The following C1RL variants were observed in gnomAD, a reference collection of about 807,000 sequenced individuals.
The protein encoded by C1RL is complement C1r subcomponent like.
In C1RL, 27 loss-of-function variants were observed where a neutral mutation model predicts 27.9. The observed-to-expected ratio is 0.97, with a 90% CI of 0.71 to 1.33. The LOEUF (loss-of-function observed/expected upper bound fraction) is 1.33, where lower values mean the gene tolerates loss of function less well. Ranked by LOEUF, C1RL falls within the 40% of genes most tolerant of loss-of-function variation. The pLI is 0.00. For missense variants in C1RL, 563 were observed against 623.9 expected (o/e 0.90, Z 1.04); for synonymous variants, 248 against 252.1 (o/e 0.98, Z 0.15).
intron 5 of C1RL, among the ~76,000 whole-genome samples, chr12:7,098,002 T>C (rs988449897): frequency 2.0e-5 from 3 of 151,818 alleles, no homozygotes; most frequent in Non-Finnish European, 2.9e-5. Flanking sequence ...GCGCGGTGGC[T>C]CACGCCTGTA....
chr12:7,102,448 C>T (rs1401123565), intron 2 of C1RL, among the ~76,000 whole-genome samples: 1 of 152,228 alleles, frequency 6.6e-6, no homozygotes, highest in Non-Finnish European at 1.5e-5. Flanking sequence ...TTTTTCTCCA[C>T]TGAGTTCCTG....
chr12:7,094,698 G>A lies in C1RL; in HGVS notation c.*1693C>T, dbSNP rs1938375970. 1.3e-5 allele frequency: 13 copies of A among 980,952 alleles called. No individual in the cohort carries two copies. The highest frequency in any genetic ancestry group is 1.6e-5 in the Non-Finnish European group (13 of 825,996). 60.8% of individuals were successfully genotyped at this position (980,952 alleles called of 1,614,324 possible). On this transcript the variant is annotated 3_prime_UTR_variant, in exon 6 of 6. Coordinates refer to ENST00000266542, the MANE Select transcript of C1RL (RefSeq NM_016546.4). Reference sequence around the variant, plus strand: ...ATAGAGAATAGTGGAAAACCAAACAGCCAAAATCTTATCAATAAAACCACC... The same window carrying A: ...ATAGAGAATAGTGGAAAACCAAACAACCAAAATCTTATCAATAAAACCACC...
At chr12:7,097,993 C>T (rs1032562644) in intron 5 of C1RL, among the ~76,000 whole-genome samples, 1 of 152,022 alleles carries the variant, frequency 6.6e-6, no homozygotes, top group Non-Finnish European at 1.5e-5. Flanking sequence ...TTCGGCCGGG[C>T]GCGGTGGCTC....
At position 7,096,297 on chromosome 12, in the gene C1RL, C is replaced by A. The variant is rs1442715467; in HGVS notation, c.*94G>T. The A allele has an allele frequency of 1.7e-6, 2 of 1,203,354 alleles. No homozygotes were observed. The highest frequency in any genetic ancestry group is 2.9e-5 in the South Asian group (1 of 34,774). 74.5% of individuals were successfully genotyped at this position (1,203,354 alleles called of 1,614,324 possible). On this transcript the variant is annotated 3_prime_UTR_variant, in exon 6 of 6. Coordinates refer to ENST00000266542, the MANE Select transcript of C1RL (RefSeq NM_016546.4). ...TCCCTGCCTCCCCCAACCCCCCACCCCCAACCCCTACCCCAGTGTTCAGTC... is the reference window on the plus strand; with the variant it reads ...TCCCTGCCTCCCCCAACCCCCCACCACCAACCCCTACCCCAGTGTTCAGTC...
intron 3 of C1RL, chr12:7,101,665 T>G (rs1031614581): frequency 1.1e-5 from 6 of 522,684 alleles, no homozygotes; most frequent in Admixed American, 3.1e-5. Flanking sequence ...AAAAATGAGA[T>G]GATCTGCAAA....
intron 2 of C1RL, among the ~76,000 whole-genome samples, chr12:7,106,770 A>G (rs747987988): frequency 6.6e-6 from 1 of 152,314 alleles, no homozygotes; most frequent in East Asian, 1.9e-4. Flanking sequence ...CCATGTAACT[A>G]TTGACTCCTA....
At chr12:7,101,845 G>A (rs766416121) in intron 3 of C1RL, 53 bp downstream of exon 3, 3 of 1,570,348 alleles carry the variant, frequency 1.9e-6, no homozygotes, top group Non-Finnish European at 2.6e-6. Flanking sequence ...AGATACCAGG[G>A]TCATGGCTGG....
intron 1 of C1RL, 120 bp downstream of exon 1, chr12:7,108,990 G>GTGTGTGTGTGTGTGTGT (rs1591602899): frequency 5.7e-5 from 5 of 87,360 alleles, no homozygotes; most frequent in Non-Finnish European, 9.6e-5. Flanking sequence ...TGTGTGTGTG[G>GTGTGTGTGTGTGTGTGT]GGGGGGGGGG....
intron 1 of C1RL, 107 bp downstream of exon 1, chr12:7,109,001 GAT>G (rs1565640614): frequency 3.2e-4 from 107 of 338,610 alleles, no homozygotes; most frequent in African/African-American, 6.5e-4. Flanking sequence ...GGGGGGGGGG[GAT>G]GTGTGTGTGG....
chr12:7,094,981 A>G lies in C1RL; in HGVS notation c.*1410T>C. 9.0e-7 allele frequency: 1 copy of G among 1,106,170 alleles called. No individual in the cohort carries two copies. The highest frequency in any genetic ancestry group is 9.8e-5 in the East Asian group (1 of 10,250). The allele number at this position is 1,106,170 out of a possible 1,614,324, so 68.5% of individuals were successfully genotyped here. ...TGAATCCTGCCATTTTTTAGAGATAAATTTAACCTTTGACCATATAGCAAC... is the reference window on the plus strand; with the variant it reads ...TGAATCCTGCCATTTTTTAGAGATAGATTTAACCTTTGACCATATAGCAAC... On this transcript the variant is annotated 3_prime_UTR_variant, in exon 6 of 6. Transcript: ENST00000266542.
chr12:7,095,286 T>G lies in C1RL; in HGVS notation c.*1105A>C. On this transcript the variant is annotated 3_prime_UTR_variant, in exon 6 of 6. Transcript: ENST00000266542. ...ACGTGTCACCACGCCCGGCTAATTT[T>G]TGTATTTTTAGTAGAGATGGGGTTT... The G allele has an allele frequency of 1.2e-6, 1 of 819,272 alleles. No homozygotes were observed. The highest frequency in any genetic ancestry group is 2.3e-5 in the South Asian group (1 of 43,482). The allele number at this position is 819,272 out of a possible 1,614,324, so 50.8% of individuals were successfully genotyped here. A position where few individuals can be genotyped will look rare whatever the true frequency, so the allele number is the denominator to read the frequency against.
rs1261947970 is a variant in C1RL, at chr12:7,095,051, G to A, written c.*1340C>T. 1.7e-6 allele frequency: 2 copies of A among 1,153,870 alleles called. No homozygotes were observed. Among genetic ancestry groups the A allele is most frequent in the Admixed American group, 8.6e-5 (2 of 23,130 alleles). 71.5% of individuals were successfully genotyped at this position (1,153,870 alleles called of 1,614,324 possible). A position where few individuals can be genotyped will look rare whatever the true frequency, so the allele number is the denominator to read the frequency against. On this transcript the variant is annotated 3_prime_UTR_variant, in exon 6 of 6. Coordinates refer to ENST00000266542, the MANE Select transcript of C1RL (RefSeq NM_016546.4). ...AATTACCTCTCTTCTCTCTTTTATG[G>A]TGTTTATTTTCTATTTCCATTGAAC... is the stretch of plus-strand genomic sequence containing the variant.
Position 7,095,608 on chromosome 12 carries a change from CAGGGAGGGAAAATGGTA to C in C1RL, c.*766_*782del. The C allele has an allele frequency of 3.0e-6, 3 of 985,844 alleles. No individual in the cohort carries two copies. In the South Asian group the frequency reaches 1.4e-4, roughly 46 times the overall value. 61.1% of individuals were successfully genotyped at this position (985,844 alleles called of 1,614,324 possible). A position where few individuals can be genotyped will look rare whatever the true frequency, so the allele number is the denominator to read the frequency against. ...CCATTTTCGCAGAAGCAGGAATTCC[CAGGGAGGGAAAATGGTA>C]AGGATGTGGGGGCTGGGAGGGAAAG... is the stretch of plus-strand genomic sequence containing the variant. On this transcript the variant is annotated 3_prime_UTR_variant, in exon 6 of 6. Coordinates refer to ENST00000266542, the MANE Select transcript of C1RL (RefSeq NM_016546.4).
At position 7,095,790 on chromosome 12, in the gene C1RL, A is replaced by G. The variant is rs1938408289; in HGVS notation, c.*601T>C. On this transcript the variant is annotated 3_prime_UTR_variant, in exon 6 of 6. Coordinates refer to ENST00000266542, the MANE Select transcript of C1RL (RefSeq NM_016546.4). Reference sequence around the variant, plus strand: ...GAGCCTCAGTTTCCTCATTTGTCACACATAGATAATAACACATCCTTTGCA... The same window carrying G: ...GAGCCTCAGTTTCCTCATTTGTCACGCATAGATAATAACACATCCTTTGCA... 4.0e-6 allele frequency: 3 copies of G among 752,388 alleles called. No homozygotes were observed. Among genetic ancestry groups the G allele is most frequent in the Non-Finnish European group, 4.9e-6 (3 of 617,640 alleles). The allele number at this position is 752,388 out of a possible 1,614,324, so 46.6% of individuals were successfully genotyped here. A position where few individuals can be genotyped will look rare whatever the true frequency, so the allele number is the denominator to read the frequency against.
rs76391175 is a variant in C1RL at position 7,096,547 on chromosome 12, A to T, written c.1308T>A (p.Ser436Arg). The T allele has an allele frequency of 1.2e-6, 2 of 1,614,006 alleles. No individual in the cohort carries two copies. Among genetic ancestry groups the T allele is most frequent in the African/African-American group, 2.7e-5 (2 of 74,888 alleles). ...TQRHSVCQGD[S>R]GSVYVVWDNH... is the part of the protein sequence containing the mutation. ...TGTCCCATACCACATAGACGCTGCCACTGTCCCCCTGGCAGACACTGTGCC... is the reference window on the plus strand; with the variant it reads ...TGTCCCATACCACATAGACGCTGCCTCTGTCCCCCTGGCAGACACTGTGCC... The change falls in exon 6 of 6, where the codon AGT becomes AGA. Residue 436 changes from serine (S) to arginine (R), a missense_variant. Physicochemically the swap from Ser to Arg is moderately radical, Grantham distance 110 (BLOSUM62 -1). Coordinates refer to ENST00000266542, the MANE Select transcript of C1RL (RefSeq NM_016546.4).
intron 5 of C1RL, among the ~76,000 whole-genome samples, chr12:7,097,969 A>G (rs1326347401): frequency 1.3e-5 from 2 of 152,104 alleles, no homozygotes; most frequent in African/African-American, 2.4e-5. Context: ...AGATTGGGTT[A>G]AGAAGGCAAT....
chr12:7,103,367 C>G (rs974296841), intron 2 of C1RL, among the ~76,000 whole-genome samples: 4 of 152,218 alleles, frequency 2.6e-5, no homozygotes, highest in African/African-American at 9.6e-5. Flanking sequence ...GACTTTGCTA[C>G]TAATTCCATG....
intron 5 of C1RL, 45 bp from the exon 6 acceptor site, chr12:7,097,208 A>C: frequency 2.6e-6 from 4 of 1,524,240 alleles, no homozygotes; most frequent in Non-Finnish European, 3.5e-6. Flanking sequence ...AGCTGCATCT[A>C]GACACACTGA....
chr12:7,097,281 AC>A, intron 5 of C1RL, 118 bp from the exon 6 acceptor site: 1 of 805,240 alleles, frequency 1.2e-6, no homozygotes, highest in Non-Finnish European at 1.8e-6. Context: ...TGGGATCAGG[AC>A]GTTTTTTTTT....
Sources: allele counts gnomAD v4.1 joint callset (sites outside exome capture counted in the v4.1 genomes callset), GRCh38; gene constraint gnomAD v4.1.1; transcripts MANE v1.5; gene names NCBI Gene and HGNC (gene_info 2026-07-23, HGNC 2026-07-21).